PCBD1: variants seen among roughly 807,000 people sequenced by gnomAD.
PCBD1 encodes the protein pterin-4 alpha-carbinolamine dehydratase 1, also known as pterin-4-alpha-carbinolamine dehydratase.
In PCBD1, 16 loss-of-function variants were observed where a neutral mutation model predicts 12.6. That is an observed-to-expected ratio of 1.27 (90% CI 0.86 to 1.93). PCBD1 has a LOEUF of 1.93. Ranked by LOEUF, PCBD1 falls within the 30% of genes most tolerant of loss-of-function variation. The pLI, the probability that PCBD1 is intolerant of heterozygous loss-of-function variation, is 0.00. For missense variants in PCBD1, 86 were observed against 130.1 expected, an observed-to-expected ratio of 0.66 and a Z score of 1.65; for synonymous variants, 53 against 50.2, an observed-to-expected ratio of 1.05 and a Z score of -0.23.
At position 70,883,687 on chromosome 10, in the gene PCBD1, G is replaced by A; in HGVS notation, c.*263C>T. 1 of 1,344,448 alleles carries A rather than the reference G, an allele frequency of 7.4e-7. No homozygotes were observed. The highest frequency in any genetic ancestry group is 9.6e-7 in the Non-Finnish European group (1 of 1,042,692). 83.3% of individuals were successfully genotyped at this position (1,344,448 alleles called of 1,614,324 possible). A position where few individuals can be genotyped will look rare whatever the true frequency, so the allele number is the denominator to read the frequency against. On this transcript the variant is annotated 3_prime_UTR_variant, in exon 4 of 4. Coordinates refer to ENST00000299299, the MANE Select transcript of PCBD1 (RefSeq NM_000281.4). ...GGCAAGAAAATCATTATTGTTGCTGGGAAGTTGCAAAGAAAGGGGAGAGTT... is the reference window on the plus strand; with the variant it reads ...GGCAAGAAAATCATTATTGTTGCTGAGAAGTTGCAAAGAAAGGGGAGAGTT...
At chr10:70,887,829 A>T (rs1203491642) in intron 1 of PCBD1, 2 of 152,078 alleles carry the variant, frequency 1.3e-5, no homozygotes, top group Admixed American at 6.6e-5. Context: ...TCCCTCTCCT[A>T]TCAAAAGGCC....
In PCBD1 at chr10:70,883,845, C is replaced by T; in HGVS notation, c.*105G>A. Reference sequence around the variant, plus strand: ...CAGCCCTCAACGGCGGCGGCTGGGTCTTGGGAGGGGAGTGGTGGGAGGGTA... The same window carrying T: ...CAGCCCTCAACGGCGGCGGCTGGGTTTTGGGAGGGGAGTGGTGGGAGGGTA... On this transcript the variant is annotated 3_prime_UTR_variant, in exon 4 of 4. Transcript: ENST00000299299. The T allele has an allele frequency of 6.5e-7, 1 of 1,544,934 alleles. No individual in the cohort carries two copies. The highest frequency in any genetic ancestry group is 8.7e-7 in the Non-Finnish European group (1 of 1,145,228).
chr10:70,883,028 C>T (rs1332051854), downstream of PCBD1, among the ~76,000 whole-genome samples: 1 of 152,164 alleles, frequency 6.6e-6, no homozygotes, highest in African/African-American at 2.4e-5. Flanking sequence ...GGATGTTCAA[C>T]CTGTAATATG....
At chr10:70,882,567 C>A (rs758193216), downstream of PCBD1, 8 of 152,262 alleles carry the variant, frequency 5.3e-5, no homozygotes, top group African/African-American at 1.9e-4. Flanking sequence ...GGCAGGAGGA[C>A]TTCCCTTTTA....
At chr10:70,883,012 AAT>A (rs1389538372), downstream of PCBD1, among the ~76,000 whole-genome samples, 1 of 152,190 alleles carries the variant, frequency 6.6e-6, no homozygotes, top group East Asian at 1.9e-4. Context: ...CCAATTTTCA[AAT>A]TAGGGATGTT....
At position 70,885,136 on chromosome 10, in the gene PCBD1, A is replaced by G. The variant is rs1276300301; in HGVS notation, c.216+16T>C. 1 of 1,608,304 alleles carries G rather than the reference A, an allele frequency of 6.2e-7. No homozygotes were observed. The highest frequency in any genetic ancestry group is 1.7e-5 in the Admixed American group (1 of 60,024). ...GATGGGGGCAGAGCACAACAGAGGCACACAGCATCACTCACCTTGTTGTAC... is the reference window on the plus strand; with the variant it reads ...GATGGGGGCAGAGCACAACAGAGGCGCACAGCATCACTCACCTTGTTGTAC... On this transcript the variant is annotated intron_variant, in intron 3 of 3. Transcript: ENST00000299299.
At chr10:70,884,501 A>ATTTTTT (rs1846551075) in intron 3 of PCBD1, among the ~76,000 whole-genome samples, 1 of 15,390 alleles carries the variant, frequency 6.5e-5, no homozygotes, top group Non-Finnish European at 1.2e-4. Flanking sequence ...TTTTTTTTTG[A>ATTTTTT]GACGGAGTCT....
At chr10:70,883,506 G>A, downstream of PCBD1, 3 of 1,073,592 alleles carry the variant, frequency 2.8e-6, no homozygotes, top group Non-Finnish European at 3.4e-6. Context: ...TCTAGAGCCT[G>A]AGACCAAGTG....
At chr10:70,886,113 G>C (rs1846578841) in intron 1 of PCBD1, among the ~76,000 whole-genome samples, 184 bp from the exon 2 acceptor site, 1 of 152,114 alleles carries the variant, frequency 6.6e-6, no homozygotes, top group Non-Finnish European at 1.5e-5. Flanking sequence ...CAGGAGGTGG[G>C]GTCCAGGCTC....
At position 70,883,762 on chromosome 10, in the gene PCBD1, G is replaced by A; in HGVS notation, c.*188C>T. On this transcript the variant is annotated 3_prime_UTR_variant, in exon 4 of 4. Transcript: ENST00000299299. ...CCCAGGATGAAGAGAGTGGTGCAGG[G>A]AAAAGGTCTAAATTCCTGGTGTTGG... The A allele has an allele frequency of 6.8e-7, 1 of 1,481,098 alleles. No individual in the cohort carries two copies. The highest frequency in any genetic ancestry group is 1.3e-5 in the South Asian group (1 of 75,966). 91.7% of individuals were successfully genotyped at this position (1,481,098 alleles called of 1,614,324 possible).
intron 3 of PCBD1, 133 bp downstream of exon 3, chr10:70,885,019 T>C: frequency 1.3e-6 from 1 of 769,600 alleles, no homozygotes; most frequent in South Asian, 1.4e-5. Flanking sequence ...CTCAGTGAGA[T>C]TGGAAATGAG....
At chr10:70,886,431 G>GTAT in intron 1 of PCBD1, among the ~76,000 whole-genome samples, 1 of 152,338 alleles carries the variant, frequency 6.6e-6, no homozygotes, top group South Asian at 2.1e-4. Context: ...ACTTTCACGT[G>GTAT]TATTGAAGAG....
chr10:70,884,395 C>T (rs1362364576), intron 3 of PCBD1, among the ~76,000 whole-genome samples: 1 of 151,998 alleles, frequency 6.6e-6, no homozygotes, highest in African/African-American at 2.4e-5. Flanking sequence ...CAGAGACCAG[C>T]AGAGCTTTTG....
intron 1 of PCBD1, chr10:70,888,143 A>T (rs1846617277): frequency 5.6e-6 from 1 of 178,526 alleles, no homozygotes; most frequent in African/African-American, 2.4e-5. Context: ...GCGCAAACTC[A>T]GCCTCCCTCT....
intron 1 of PCBD1, among the ~76,000 whole-genome samples, chr10:70,887,417 A>G (rs1379183457): frequency 1.3e-5 from 2 of 152,110 alleles, no homozygotes; most frequent in Non-Finnish European, 2.9e-5. Context: ...ATTGAATGGC[A>G]GCAGCGATTT....
chr10:70,884,499 TGAGACGGAG>T (rs1846550910), intron 3 of PCBD1, among the ~76,000 whole-genome samples: 1 of 149,680 alleles, frequency 6.7e-6, no homozygotes, highest in African/African-American at 2.5e-5. Flanking sequence ...TTTTTTTTTT[TGAGACGGAG>T]TCTTGCTCTG....
intron 1 of PCBD1, 71 bp from the exon 2 acceptor site, chr10:70,886,000 T>G (rs879910106): frequency 9.1e-5 from 144 of 1,580,264 alleles, no homozygotes; most frequent in Non-Finnish European, 1.2e-4. Context: ...GGCTCCAACC[T>G]TTAGGGGAAC....
Position 70,885,211 on chromosome 10 carries a change from C to T in PCBD1, c.157G>A (p.Val53Met). The T allele has an allele frequency of 3.1e-6, 5 of 1,614,072 alleles. No homozygotes were observed. The highest frequency in any genetic ancestry group is 2.7e-5 in the African/African-American group (2 of 75,032). ...TCCAGTTTCTCAGCCTGCAGGGCCA[C>T]TCTTGTCATGAACCCAAAGGCCTAT... ...FNRAFGFMTR[V>M]ALQAEKLDHH... The change falls in exon 3 of 4, where the codon GTG becomes ATG. Residue 53 changes from valine to methionine, a missense_variant. Val to Met is a conservative substitution (Grantham distance 21). Transcript: ENST00000299299.
intron 2 of PCBD1, 124 bp from the exon 3 acceptor site, chr10:70,885,356 T>C: frequency 1.3e-6 from 1 of 741,430 alleles, no homozygotes; most frequent in Non-Finnish European, 2.4e-6. Context: ...TCTATAATCA[T>C]TTCCCCCTTG....
Sources: gnomAD v4.1 joint callset for allele counts (sites outside exome capture counted in the v4.1 genomes callset) on GRCh38, gnomAD v4.1.1 for gene constraint, MANE v1.5 for transcripts, NCBI Gene and HGNC (gene_info 2026-07-23, HGNC 2026-07-21) for gene names.